Variants in ARHGAP29 observed in about 807,000 individuals in gnomAD.
The protein encoded by ARHGAP29 is rho GTPase-activating protein 29.
In ARHGAP29, 43 loss-of-function variants were observed where a neutral mutation model predicts 122.6. The ratio of observed to expected loss-of-function variants is 0.35; its 90% confidence interval spans 0.27 to 0.45. ARHGAP29 has a LOEUF of 0.45. ARHGAP29 is among the 20% of genes least tolerant of loss of function. The pLI is 1.00. For synonymous variants in ARHGAP29, 506 were observed against 497.1 expected, an observed-to-expected ratio of 1.02 and a Z score of -0.24; for missense variants, 1,303 against 1,477.2, an observed-to-expected ratio of 0.88 and a Z score of 1.93.
At chr1:94,250,551 A>T (rs912344927) in intron 1 of ARHGAP29, 2 of 152,212 alleles carry the variant, frequency 1.3e-5, no homozygotes, top group African/African-American at 4.8e-5. Context: ...CACAGTGAGT[A>T]CAAAGCCTCC....
chr1:94,186,641 G>T, intron 15 of ARHGAP29, 44 bp from the exon 16 acceptor site: 1 of 1,339,880 alleles, frequency 7.5e-7, no homozygotes, highest in Non-Finnish European at 1.1e-6. Flanking sequence ...ATTCATTGTA[G>T]AATCTTTGAA....
Position 94,202,954 on chromosome 1 carries a change from T to G in ARHGAP29, c.918A>C (p.Glu306Asp). The G allele has an allele frequency of 6.2e-6, 10 of 1,609,814 alleles. No homozygotes were observed. Among genetic ancestry groups the G allele is most frequent in the African/African-American group, 1.3e-5 (1 of 74,700 alleles). ...GCTCCTGTTTCCAAAGCTCTTTTAT[T>G]TCTTTCCTTTGTTTTTCCATTTCAT... is the stretch of plus-strand genomic sequence containing the variant. Reference protein sequence around the residue: ...RKNEMEKQRKEIKELWKQEQN... With the variant: ...RKNEMEKQRKDIKELWKQEQN... Residue 306 changes from glutamate (E) to aspartate (D), a missense_variant, in exon 10 of 23, where the codon GAA becomes GAC. Physicochemically the swap from Glu to Asp is conservative, Grantham distance 45. Coordinates refer to ENST00000260526, the MANE Select transcript of ARHGAP29 (RefSeq NM_004815.4).
intron 1 of ARHGAP29, among the ~76,000 whole-genome samples, chr1:94,265,064 T>C (rs1654709334): frequency 6.6e-6 from 1 of 152,236 alleles, no homozygotes; most frequent in African/African-American, 2.4e-5. Context: ...TAATTATGCA[T>C]AGAAGGGCCA....
chr1:94,275,827 A>G (rs766661536), upstream of ARHGAP29, among the ~76,000 whole-genome samples: 11 of 152,184 alleles, frequency 7.2e-5, no homozygotes, highest in Middle Eastern at 3.2e-3. Context: ...ATTATGCTTT[A>G]AAAATTAGGT....
rs1296358510 is a variant in ARHGAP29, at chr1:94,189,309, C to G, written c.1483G>C (p.Gly495Arg). The G allele has an allele frequency of 1.2e-6, 2 of 1,612,492 alleles. No homozygotes were observed. Among genetic ancestry groups the G allele is most frequent in the African/African-American group, 2.7e-5 (2 of 74,850 alleles). ...ACATCCTCTAAAGAGTTGGCAGGTC[C>G]AAATCCTGAAGGTTGGGAACTATTT... is the stretch of plus-strand genomic sequence containing the variant. Reference protein sequence around the residue: ...HLNSSQPSGFGPANSLEDVVR... With the variant: ...HLNSSQPSGFRPANSLEDVVR... The change falls in exon 14 of 23, where the codon GGA becomes CGA. Residue 495 changes from glycine to arginine, a missense_variant. This residue lies in a region of ARHGAP29 where 592 missense variants were observed against 648.2 expected (regional missense o/e 0.91). Coordinates refer to ENST00000260526, the MANE Select transcript of ARHGAP29 (RefSeq NM_004815.4).
intron 1 of ARHGAP29, among the ~76,000 whole-genome samples, chr1:94,265,613 T>G (rs573718720): frequency 6.6e-6 from 1 of 152,192 alleles, no homozygotes; most frequent in Admixed American, 6.5e-5. Flanking sequence ...TGATCATCCC[T>G]CTATAGCGTG....
At chr1:94,245,851 T>C (rs1156451772) in intron 1 of ARHGAP29, among the ~76,000 whole-genome samples, 2 of 152,198 alleles carry the variant, frequency 1.3e-5, no homozygotes, top group Non-Finnish European at 2.9e-5. Flanking sequence ...ATGAACTTTG[T>C]TCAATGTGGT....
intron 22 of ARHGAP29, chr1:94,176,543 A>G (rs1354880797): frequency 6.6e-6 from 1 of 152,228 alleles, no homozygotes; most frequent in African/African-American, 2.4e-5. Flanking sequence ...AAGATCAAAT[A>G]GAATCAAACA....
rs183306009 is a variant in ARHGAP29 at position 94,192,307 on chromosome 1, T to C, written c.1282-2224A>G. On this transcript the variant is annotated intron_variant, in intron 12 of 22. Transcript: ENST00000260526. ...ATTCAAGGTATGACCTATCCAGTGA[T>C]AGGTCTACTCCTGCCCTCTTTTCCA... The C allele has an allele frequency of 3.0e-4, 45 of 152,290 alleles. 1 individual carries two copies. The highest frequency in any genetic ancestry group is 2.7e-3 in the Admixed American group (41 of 15,298). The allele number at this position is 152,290 out of a possible 1,614,324, so 9.4% of individuals were successfully genotyped here.
In ARHGAP29 at chr1:94,231,597, T is replaced by C. The variant is rs761043176; in HGVS notation, c.15A>G (p.Lys5=). Reference sequence around the variant, plus strand: ...CACGTTTTTTCTTTGTCTTTTTCTGTTTGTGAGCAATCATCCTTTCATGTA... The same window carrying C: ...CACGTTTTTTCTTTGTCTTTTTCTGCTTGTGAGCAATCATCCTTTCATGTA... MIAH[K]QKKTKKKRAW... Residue 5 remains lysine, a synonymous_variant, in exon 2 of 23, where the codon AAA becomes AAG. Transcript: ENST00000260526. The C allele has an allele frequency of 5.6e-6, 9 of 1,613,060 alleles. No individual in the cohort carries two copies. The African/African-American group carries it at 1.2e-4, about 22-fold the overall frequency.
intron 1 of ARHGAP29, among the ~76,000 whole-genome samples, chr1:94,233,486 C>G (rs1653059356): frequency 6.6e-6 from 1 of 152,120 alleles, no homozygotes; most frequent in African/African-American, 2.4e-5. Context: ...ATTCTTGTCT[C>G]ATCACAAATG....
At chr1:94,212,858 T>C (rs995166229) in intron 3 of ARHGAP29, among the ~76,000 whole-genome samples, 9 of 152,192 alleles carry the variant, frequency 5.9e-5, no homozygotes, top group Admixed American at 1.3e-4. Flanking sequence ...TTTCCACTAA[T>C]AAATATACCT....
intron 20 of ARHGAP29, among the ~76,000 whole-genome samples, chr1:94,178,451 A>C (rs1649250583): frequency 6.6e-6 from 1 of 152,128 alleles, no homozygotes; most frequent in South Asian, 2.1e-4. Context: ...CTCCCATCTC[A>C]GTATATGGTA....
chr1:94,254,470 T>C (rs745790063), intron 1 of ARHGAP29, among the ~76,000 whole-genome samples: 2 of 152,234 alleles, frequency 1.3e-5, no homozygotes, highest in Non-Finnish European at 2.9e-5. Context: ...GCTTAGGAGT[T>C]AGCCTGAATT....
At chr1:94,216,467 G>A (rs1651962254) in intron 3 of ARHGAP29, among the ~76,000 whole-genome samples, 1 of 152,124 alleles carries the variant, frequency 6.6e-6, no homozygotes, top group Admixed American at 6.5e-5. Context: ...ACACACAAGA[G>A]ACCAATAAAG....
chr1:94,274,488 T>G (rs565410917), intron 1 of ARHGAP29, among the ~76,000 whole-genome samples: 3 of 152,328 alleles, frequency 2.0e-5, no homozygotes, highest in East Asian at 3.9e-4. Context: ...GCTACAAAAC[T>G]TATTCCTTCA....
chr1:94,200,953 T>C (rs1650802484), intron 12 of ARHGAP29, among the ~76,000 whole-genome samples: 1 of 152,164 alleles, frequency 6.6e-6, no homozygotes, highest in African/African-American at 2.4e-5. Flanking sequence ...TGAATCCTGA[T>C]TGTGGCAGTA....
chr1:94,304,534 C>T, the ARHGAP29 span, among the ~76,000 whole-genome samples: 1 of 152,228 alleles, frequency 6.6e-6, no homozygotes, highest in Non-Finnish European at 1.5e-5. Flanking sequence ...CTCTTCACTA[C>T]TACAGTGTTT....
intron 12 of ARHGAP29, chr1:94,192,452 G>C (rs990845347): frequency 6.6e-6 from 1 of 152,186 alleles, no homozygotes; most frequent in Non-Finnish European, 1.5e-5. Context: ...GGGGTGATGG[G>C]AGATGAAACT....
Sources: gnomAD v4.1 joint callset for allele counts (sites outside exome capture counted in the v4.1 genomes callset) on GRCh38, gnomAD v4.1.1 for gene constraint, gnomAD v4.1.1 regional missense constraint, MANE v1.5 for transcripts, NCBI Gene and HGNC (gene_info 2026-07-23, HGNC 2026-07-21) for gene names.